Variants in USH2A observed in about 807,000 individuals in gnomAD.
The protein encoded by USH2A is usherin.
A neutral mutation model predicts 538.9 loss-of-function variants in USH2A; 443 were observed. The observed-to-expected ratio is 0.82, with a 90% CI of 0.76 to 0.89. USH2A has a LOEUF of 0.89. Among genes scored for constraint, USH2A ranks in the 40% least tolerant of loss-of-function variants. USH2A has a pLI of 0.00. For synonymous variants in USH2A, 2,413 were observed against 2,273.5 expected, an observed-to-expected ratio of 1.06 and a Z score of -1.75; for missense variants, 6,633 against 6,324.8, an observed-to-expected ratio of 1.05 and a Z score of -1.65.
chr1:215,813,931 A>T (rs1183051826), intron 48 of USH2A, 27 bp from the exon 49 acceptor site: 1 of 1,611,960 alleles, frequency 6.2e-7, no homozygotes, highest in Admixed American at 1.7e-5. Flanking sequence ...AGTTTTAAAG[A>T]AATATCAGTT....
chr1:216,343,482 T>C (rs1039336131), intron 4 of USH2A, among the ~76,000 whole-genome samples: 2 of 148,788 alleles, frequency 1.3e-5, no homozygotes, highest in Admixed American at 6.8e-5. Context: ...GATACGATCA[T>C]GCCACTGCAC....
At chr1:216,342,439 A>C (rs1487082407) in intron 4 of USH2A, among the ~76,000 whole-genome samples, 1 of 152,092 alleles carries the variant, frequency 6.6e-6, no homozygotes, top group Non-Finnish European at 1.5e-5. Context: ...TGATTCCCCA[A>C]AGACCCAGAA....
At chr1:215,729,673 C>G (rs1052275215) in intron 60 of USH2A, among the ~76,000 whole-genome samples, 1 of 152,150 alleles carries the variant, frequency 6.6e-6, no homozygotes, top group Non-Finnish European at 1.5e-5. Flanking sequence ...CTCTGTCACT[C>G]AGGCTGGAGT....
chr1:216,281,929 G>A (rs1321091216), intron 11 of USH2A, among the ~76,000 whole-genome samples: 1 of 134,172 alleles, frequency 7.5e-6, no homozygotes, highest in Non-Finnish European at 1.5e-5. Flanking sequence ...GGCTTGCACA[G>A]TAGTTTTGAT....
chr1:216,407,397 A>T (rs2039412924), intron 3 of USH2A, among the ~76,000 whole-genome samples: 1 of 152,096 alleles, frequency 6.6e-6, no homozygotes, highest in Middle Eastern at 3.2e-3. Context: ...TTCTTGGAAA[A>T]GTTGTCTTAA....
At chr1:216,048,677 C>T (rs377733558) in intron 30 of USH2A, 30 bp from the exon 31 acceptor site, 73 of 1,567,170 alleles carry the variant, frequency 4.7e-5, no homozygotes, top group Non-Finnish European at 5.7e-5. Flanking sequence ...AAGAGGGTTG[C>T]GTGTTTACCA....
chr1:215,914,880 T>G (rs1665913444), intron 38 of USH2A, among the ~76,000 whole-genome samples: 1 of 152,182 alleles, frequency 6.6e-6, no homozygotes, highest in Middle Eastern at 3.2e-3. Context: ...TAAAGAGTCT[T>G]TATGTTAATT....
At chr1:215,720,334 A>G (rs1453782946) in intron 61 of USH2A, among the ~76,000 whole-genome samples, 1 of 152,214 alleles carries the variant, frequency 6.6e-6, no homozygotes, top group East Asian at 1.9e-4. Context: ...GTTGCCAGAA[A>G]AGTGAGATGA....
At chr1:216,031,566 T>C (rs1669124885) in intron 32 of USH2A, among the ~76,000 whole-genome samples, 1 of 152,168 alleles carries the variant, frequency 6.6e-6, no homozygotes, top group Non-Finnish European at 1.5e-5. Flanking sequence ...CTTGTCCTTA[T>C]GCCTGCTAAA....
intron 21 of USH2A, among the ~76,000 whole-genome samples, chr1:216,129,275 G>A (rs1343458810): frequency 6.6e-6 from 1 of 151,902 alleles, no homozygotes; most frequent in Non-Finnish European, 1.5e-5. Context: ...CCCAGCAGTG[G>A]GATTGCTGGG....
intron 61 of USH2A, among the ~76,000 whole-genome samples, chr1:215,725,489 C>A (rs1571624274): frequency 6.6e-6 from 1 of 152,262 alleles, no homozygotes; most frequent in South Asian, 2.1e-4. Flanking sequence ...GGTCTGAACA[C>A]TTGCCTAGAT....
At chr1:215,947,658 C>G (rs902689803) in intron 37 of USH2A, among the ~76,000 whole-genome samples, 1 of 152,138 alleles carries the variant, frequency 6.6e-6, no homozygotes, top group Non-Finnish European at 1.5e-5. Flanking sequence ...GATTTCAGAA[C>G]AACTTAGGAG....
chr1:216,391,215 G>A (rs1231900663), intron 3 of USH2A, among the ~76,000 whole-genome samples: 4 of 152,150 alleles, frequency 2.6e-5, no homozygotes, highest in African/African-American at 7.2e-5. Flanking sequence ...ATTCAATTGC[G>A]AGAAGTTGCA....
rs545164448 is a variant in USH2A, at chr1:215,821,484, T to A, written c.9372-4289A>T. 9.9e-5 allele frequency among the ~76,000 whole-genome samples: 15 copies of A among 151,992 alleles called. No individual in the cohort carries two copies. In the East Asian group the frequency reaches 2.7e-3, roughly 27 times the overall value. ...TTTTGTTTTTTGCTTTTGAGTTGTT[T>A]AAGCTATTTATATATCCCAGTTATT... On this transcript the variant is annotated intron_variant, in intron 47 of 71. Transcript: ENST00000307340.
chr1:215,631,249 G>GTGTGTGTGTGTGTGT (rs1558030008), intron 70 of USH2A, among the ~76,000 whole-genome samples: 6 of 144,588 alleles, frequency 4.1e-5, no homozygotes, highest in African/African-American at 1.7e-4. Flanking sequence ...TGTGTGTGTG[G>GTGTGTGTGTGTGTGT]GTGGGTGTTG....
chr1:216,286,130 C>T (rs1328355400), intron 11 of USH2A, among the ~76,000 whole-genome samples: 4 of 151,994 alleles, frequency 2.6e-5, no homozygotes, highest in African/African-American at 9.7e-5. Flanking sequence ...TTGGGAGGGG[C>T]CAAGTGTGAG....
At chr1:215,659,828 T>A (rs912308821) in intron 64 of USH2A, among the ~76,000 whole-genome samples, 2 of 152,162 alleles carry the variant, frequency 1.3e-5, no homozygotes, top group East Asian at 1.9e-4. Context: ...AAGCTGCAGT[T>A]CAGCAGAGCC....
intron 67 of USH2A, among the ~76,000 whole-genome samples, chr1:215,643,243 C>A (rs1262079214): frequency 6.6e-6 from 1 of 152,070 alleles, no homozygotes; most frequent in Non-Finnish European, 1.5e-5. Flanking sequence ...AGTGATCTGC[C>A]CACCTCTGCC....
chr1:216,306,413 T>C (rs2037317981), intron 9 of USH2A, among the ~76,000 whole-genome samples: 1 of 152,184 alleles, frequency 6.6e-6, no homozygotes, highest in South Asian at 2.1e-4. Flanking sequence ...TCTGTTCATA[T>C]CCTGTAACAT....
Sources: gnomAD v4.1 joint callset for allele counts (sites outside exome capture counted in the v4.1 genomes callset) on GRCh38, gnomAD v4.1.1 for gene constraint, MANE v1.5 for transcripts, NCBI Gene and HGNC (gene_info 2026-07-23, HGNC 2026-07-21) for gene names.